Variants in KCND2 observed in about 807,000 individuals in gnomAD.
KCND2 encodes the protein A-type voltage-gated potassium channel KCND2.
A neutral mutation model predicts 54.4 loss-of-function variants in KCND2; 16 were observed. The ratio of observed to expected loss-of-function variants is 0.29; its 90% CI spans 0.20 to 0.45. The LOEUF is 0.45. Ranked by LOEUF, KCND2 falls within the 20% of genes least tolerant of loss-of-function variation. The probability of loss-of-function intolerance (pLI) is 1.00; values close to 1 mark genes in which losing one functional copy is unlikely to be tolerated. For missense variants in KCND2, 486 were observed against 824.2 expected (o/e 0.59, Z 5.02); for synonymous variants, 317 against 310.7 (o/e 1.02, Z -0.21).
intron 1 of KCND2, among the ~76,000 whole-genome samples, chr7:120,337,012 C>CT (rs201757779): frequency 1.1e-4 from 17 of 151,028 alleles, no homozygotes; most frequent in African/African-American, 3.2e-4. Context: ...TTTTGTTTGG[C>CT]TTTTTTTTTC....
At chr7:120,398,224 G>C (rs1256193007) in intron 1 of KCND2, among the ~76,000 whole-genome samples, 2 of 150,872 alleles carry the variant, frequency 1.3e-5, no homozygotes, top group African/African-American at 4.9e-5. Flanking sequence ...CCTCATAGAA[G>C]TGATAATAGA....
chr7:120,567,098 A>T (rs1792308695), intron 1 of KCND2, among the ~76,000 whole-genome samples: 1 of 152,314 alleles, frequency 6.6e-6, no homozygotes, highest in Admixed American at 6.5e-5. Context: ...CTCTTATGAA[A>T]GAATCCCCAT....
At chr7:120,544,159 G>T (rs984609980) in intron 1 of KCND2, among the ~76,000 whole-genome samples, 1 of 151,934 alleles carries the variant, frequency 6.6e-6, no homozygotes, top group Non-Finnish European at 1.5e-5. Flanking sequence ...TTTTTATTGA[G>T]ACAGGAGTAT....
intron 1 of KCND2, among the ~76,000 whole-genome samples, chr7:120,338,034 A>G (rs944211659): frequency 3.3e-5 from 5 of 152,144 alleles, no homozygotes; most frequent in Admixed American, 6.5e-5. Flanking sequence ...TTTACACAGG[A>G]GAGCTCTGAT....
chr7:120,653,297 C>T (rs1277276472), intron 1 of KCND2, among the ~76,000 whole-genome samples: 1 of 151,474 alleles, frequency 6.6e-6, no homozygotes, highest in South Asian at 2.1e-4. Context: ...CCACCCTTCT[C>T]GGCCTCCCAA....
At chr7:120,383,907 T>C (rs1237114857) in intron 1 of KCND2, among the ~76,000 whole-genome samples, 2 of 152,128 alleles carry the variant, frequency 1.3e-5, no homozygotes, top group African/African-American at 4.8e-5. Flanking sequence ...ACAAGACCTA[T>C]CTGAGTTATC....
chr7:120,554,417 T>C (rs1343950659), intron 1 of KCND2, among the ~76,000 whole-genome samples: 2 of 144,516 alleles, frequency 1.4e-5, no homozygotes, highest in Non-Finnish European at 3.0e-5. Context: ...TTTTAATTTA[T>C]TTTTTTTTTG....
intron 1 of KCND2, among the ~76,000 whole-genome samples, chr7:120,684,787 C>T (rs1380639185): frequency 6.6e-6 from 1 of 152,076 alleles, no homozygotes; most frequent in Non-Finnish European, 1.5e-5. Context: ...AGGTCAGCAG[C>T]GGTTTTAGAA....
intron 1 of KCND2, among the ~76,000 whole-genome samples, chr7:120,669,389 A>T (rs147103647): frequency 1.3e-5 from 2 of 152,076 alleles, no homozygotes; most frequent in Admixed American, 1.3e-4. Context: ...CCAGACTACT[A>T]TAAACAATGG....
chr7:120,359,798 G>C (rs1199565448), intron 1 of KCND2, among the ~76,000 whole-genome samples: 2 of 152,032 alleles, frequency 1.3e-5, no homozygotes, highest in Non-Finnish European at 2.9e-5. Context: ...TTGGATCATG[G>C]GGGTGGTTCC....
At chr7:120,303,060 G>A (rs531169115) in intron 1 of KCND2, among the ~76,000 whole-genome samples, 4 of 152,050 alleles carry the variant, frequency 2.6e-5, no homozygotes, top group Admixed American at 2.0e-4. Context: ...ACAATTCAAA[G>A]TTCTATTGCT....
intron 1 of KCND2, among the ~76,000 whole-genome samples, chr7:120,288,641 T>C (rs1172925214): frequency 6.6e-6 from 1 of 152,110 alleles, no homozygotes; most frequent in Non-Finnish European, 1.5e-5. Flanking sequence ...CCAGGTGTAA[T>C]GAGAACTGTC....
At chr7:120,644,476 A>C (rs1281010614) in intron 1 of KCND2, among the ~76,000 whole-genome samples, 2 of 152,176 alleles carry the variant, frequency 1.3e-5, no homozygotes, top group African/African-American at 4.8e-5. Context: ...AAAATAACAA[A>C]CTACCAGGAA....
intron 1 of KCND2, among the ~76,000 whole-genome samples, chr7:120,450,801 A>G (rs1802092624): frequency 6.6e-6 from 1 of 152,188 alleles, no homozygotes; most frequent in African/African-American, 2.4e-5. Flanking sequence ...CTACTGATCT[A>G]CTGCCCAAGA....
intron 1 of KCND2, among the ~76,000 whole-genome samples, chr7:120,626,910 C>T (rs774375698): frequency 2.0e-5 from 3 of 152,162 alleles, no homozygotes; most frequent in Non-Finnish European, 4.4e-5. Context: ...AAGAAATCCT[C>T]GGGCCTGTTT....
intron 1 of KCND2, among the ~76,000 whole-genome samples, chr7:120,557,331 A>G (rs530700305): frequency 8.5e-5 from 13 of 152,142 alleles, no homozygotes; most frequent in Non-Finnish European, 1.5e-4. Context: ...TTTACAAGAG[A>G]TTATTTTTAA....
intron 2 of KCND2, among the ~76,000 whole-genome samples, chr7:120,740,424 T>A (rs1792926341): frequency 6.6e-6 from 1 of 152,096 alleles, no homozygotes; most frequent in South Asian, 2.1e-4. Flanking sequence ...AGAAGAAGTT[T>A]TGTGAGATAA....
intron 1 of KCND2, among the ~76,000 whole-genome samples, chr7:120,603,447 A>T (rs374162569): frequency 2.4e-4 from 36 of 152,182 alleles, no homozygotes; most frequent in African/African-American, 8.7e-4. Flanking sequence ...CAGTAAACAG[A>T]GATGGCCTTG....
At chr7:120,684,354 C>G (rs1365752936) in intron 1 of KCND2, among the ~76,000 whole-genome samples, 1 of 151,964 alleles carries the variant, frequency 6.6e-6, no homozygotes, top group Non-Finnish European at 1.5e-5. Flanking sequence ...CAAGATTAAT[C>G]AGGAGAAAAA....
Sources: allele counts gnomAD v4.1 joint callset (sites outside exome capture counted in the v4.1 genomes callset), GRCh38; gene constraint gnomAD v4.1.1; transcripts MANE v1.5; gene names NCBI Gene and HGNC (gene_info 2026-07-23, HGNC 2026-07-21).